Variants in CSMD1 observed in about 807,000 individuals in gnomAD.
CSMD1 encodes the protein CUB and Sushi multiple domains 1.
CSMD1 carries 213 observed loss-of-function variants against 417.5 expected under a neutral mutation model. The ratio of observed to expected loss-of-function variants is 0.51; its 90% CI spans 0.46 to 0.57. CSMD1 has a LOEUF of 0.57. Among genes scored for constraint, CSMD1 ranks in the 20% least tolerant of loss-of-function variants. CSMD1 has a pLI of 0.00. For synonymous variants in CSMD1, 2,862 were observed against 1,736.8 expected, an observed-to-expected ratio of 1.65 and a Z score of -16.11; for missense variants, 6,923 against 4,529.7, an observed-to-expected ratio of 1.53 and a Z score of -15.17.
chr8:4,583,579 G>A (rs907593719), intron 2 of CSMD1, among the ~76,000 whole-genome samples: 57 of 151,906 alleles, frequency 3.8e-4, no homozygotes, highest in African/African-American at 1.3e-3. Flanking sequence ...TTTACCTCAA[G>A]GTTTGTGAGT....
At chr8:3,053,966 T>C (rs997322249) in intron 49 of CSMD1, among the ~76,000 whole-genome samples, 3 of 152,210 alleles carry the variant, frequency 2.0e-5, no homozygotes, top group African/African-American at 4.8e-5. Flanking sequence ...TGTAACAAGA[T>C]AGAGCGGGAA....
intron 54 of CSMD1, among the ~76,000 whole-genome samples, chr8:2,984,506 G>T (rs1171245969): frequency 6.6e-6 from 1 of 152,138 alleles, no homozygotes; most frequent in African/African-American, 2.4e-5. Context: ...CCGCCACCAT[G>T]CTCGGCTAAT....
intron 1 of CSMD1, among the ~76,000 whole-genome samples, chr8:4,741,899 T>C (rs945962683): frequency 1.3e-5 from 2 of 150,710 alleles, no homozygotes; most frequent in African/African-American, 4.9e-5. Flanking sequence ...AGTAGCATGA[T>C]CACAGCTCAC....
At chr8:4,021,647 C>G (rs988502499) in intron 4 of CSMD1, among the ~76,000 whole-genome samples, 1 of 152,188 alleles carries the variant, frequency 6.6e-6, no homozygotes, top group African/African-American at 2.4e-5. Context: ...CTCTCTCTCC[C>G]CATCCCTTTT....
intron 5 of CSMD1, among the ~76,000 whole-genome samples, chr8:3,840,740 G>A (rs534746192): frequency 1.4e-5 from 2 of 147,490 alleles, no homozygotes; most frequent in African/African-American, 5.1e-5. Context: ...CTGTCGTGTA[G>A]GCTGGAGTTC....
intron 1 of CSMD1, among the ~76,000 whole-genome samples, chr8:4,898,271 A>G (rs1804636640): frequency 1.3e-5 from 2 of 152,138 alleles, no homozygotes; most frequent in South Asian, 4.1e-4. Flanking sequence ...GTTTTAGGCC[A>G]AAAATAAAAT....
chr8:4,062,995 C>T (rs1799058738), intron 3 of CSMD1, among the ~76,000 whole-genome samples: 2 of 151,810 alleles, frequency 1.3e-5, no homozygotes, highest in African/African-American at 4.8e-5. Context: ...GTAATCCAGA[C>T]ACTTATTAAG....
chr8:3,219,907 A>T (rs553495107), intron 28 of CSMD1, among the ~76,000 whole-genome samples: 3 of 151,482 alleles, frequency 2.0e-5, no homozygotes, highest in East Asian at 3.9e-4. Flanking sequence ...AGAATTACTG[A>T]CTATTCTTAC....
chr8:4,515,288 G>A (rs986834500), intron 2 of CSMD1, among the ~76,000 whole-genome samples: 1 of 152,180 alleles, frequency 6.6e-6, no homozygotes, highest in Non-Finnish European at 1.5e-5. Context: ...CTGATCTGAT[G>A]TGGCTCATGT....
intron 1 of CSMD1, among the ~76,000 whole-genome samples, chr8:4,810,926 T>C (rs1328453475): frequency 6.6e-6 from 1 of 152,154 alleles, no homozygotes; most frequent in Non-Finnish European, 1.5e-5. Flanking sequence ...TCCTGAAATA[T>C]GAGATTAAAG....
chr8:4,935,151 G>A (rs1467065936), intron 1 of CSMD1, among the ~76,000 whole-genome samples: 4 of 152,208 alleles, frequency 2.6e-5, no homozygotes, highest in Non-Finnish European at 5.9e-5. Flanking sequence ...ATCAGTCACA[G>A]GTGAGGATTT....
At chr8:3,313,618 C>T (rs1302188350) in intron 23 of CSMD1, among the ~76,000 whole-genome samples, 4 of 151,536 alleles carry the variant, frequency 2.6e-5, no homozygotes, top group Non-Finnish European at 3.0e-5. Flanking sequence ...AGTCAGGAAA[C>T]AACAGGTGCT....
chr8:4,150,385 C>T (rs1168479138), intron 3 of CSMD1, among the ~76,000 whole-genome samples: 9 of 152,162 alleles, frequency 5.9e-5, no homozygotes, highest in African/African-American at 2.2e-4. Flanking sequence ...TGCCTGGCTA[C>T]CTTTGGAAGT....
chr8:3,493,314 G>A (rs945430280), intron 11 of CSMD1, among the ~76,000 whole-genome samples: 972 of 77,504 alleles, frequency 0.013, 18 homozygotes, highest in African/African-American at 0.06. Context: ...AAAAAAAAAG[G>A]GGGGGCGGAG....
chr8:4,500,058 G>A (rs1463669154), intron 2 of CSMD1, among the ~76,000 whole-genome samples: 1 of 147,226 alleles, frequency 6.8e-6, no homozygotes. Flanking sequence ...GAGGCTGGGA[G>A]AATACAATGT....
intron 3 of CSMD1, among the ~76,000 whole-genome samples, chr8:4,247,061 G>T (rs757137411): frequency 1.3e-5 from 2 of 152,104 alleles, no homozygotes; most frequent in Non-Finnish European, 2.9e-5. Context: ...AAGTGAAGAA[G>T]ACATCCAAGG....
chr8:4,247,119 G>C (rs1847572), intron 3 of CSMD1, among the ~76,000 whole-genome samples: 1 of 152,172 alleles, frequency 6.6e-6, no homozygotes. Context: ...CCAATAAAAG[G>C]AAAGGAAATC....
chr8:3,247,165 AGGGCAGAAAG>A (rs998740642), intron 26 of CSMD1, among the ~76,000 whole-genome samples: 10 of 152,180 alleles, frequency 6.6e-5, no homozygotes, highest in African/African-American at 2.2e-4. Flanking sequence ...ATGCAGGGCA[AGGGCAGAAAG>A]AGGCTCACAG....
intron 1 of CSMD1, among the ~76,000 whole-genome samples, chr8:4,754,644 G>A (rs1476140506): frequency 1.3e-5 from 2 of 151,828 alleles, no homozygotes; most frequent in Non-Finnish European, 2.9e-5. Context: ...GAGGTCAGGA[G>A]ATCGAGACAA....
Sources: gnomAD v4.1 joint callset for allele counts (sites outside exome capture counted in the v4.1 genomes callset) on GRCh38, gnomAD v4.1.1 for gene constraint, MANE v1.5 for transcripts, NCBI Gene and HGNC (gene_info 2026-07-23, HGNC 2026-07-21) for gene names.